SPTBN4: variants seen among roughly 807,000 people sequenced by gnomAD.
SPTBN4 encodes spectrin beta chain, non-erythrocytic 4.
A neutral mutation model predicts 277.8 loss-of-function variants in SPTBN4; 96 were observed. The ratio of observed to expected loss-of-function variants is 0.35; its 90% CI spans 0.29 to 0.41. SPTBN4 has a LOEUF of 0.41. SPTBN4 is among the 10% of genes least tolerant of loss of function. The probability of loss-of-function intolerance (pLI) is 1.00; values close to 1 mark genes in which losing one functional copy is unlikely to be tolerated. For synonymous variants in SPTBN4, 1,481 were observed against 1,580.3 expected (o/e 0.94, Z 1.49); for missense variants, 3,006 against 3,595.7 (o/e 0.84, Z 4.19).
chr19:40,537,736 C>A (rs1277453061), intron 20 of SPTBN4, among the ~76,000 whole-genome samples: 2 of 151,832 alleles, frequency 1.3e-5, no homozygotes, highest in African/African-American at 4.9e-5. Flanking sequence ...CCTCCCTGAG[C>A]CTCTGTCCTC....
At chr19:40,569,108 A>C (rs1410505857) in intron 31 of SPTBN4, among the ~76,000 whole-genome samples, 1 of 152,090 alleles carries the variant, frequency 6.6e-6, no homozygotes, top group Non-Finnish European at 1.5e-5. Context: ...CAACGTTTGC[A>C]AGTTGTTCTT....
intron 4 of SPTBN4, among the ~76,000 whole-genome samples, chr19:40,491,713 CAAAAAAAAA>C (rs35237688): frequency 1.3e-4 from 5 of 38,818 alleles, no homozygotes; most frequent in Non-Finnish European, 1.3e-4. Context: ...GACTCTGTCT[CAAAAAAAAA>C]AAAAAAAAAA....
chr19:40,568,174 T>C lies in SPTBN4; in HGVS notation c.6848T>C (p.Leu2283Pro), dbSNP rs1298838748. The C allele has an allele frequency of 2.5e-6, 4 of 1,587,900 alleles. No individual in the cohort carries two copies. In the East Asian group the frequency reaches 9.2e-5, roughly 36 times the overall value. Residue 2283 changes from leucine to proline, a missense_variant, in exon 31 of 36, where the codon CTG (leucine) becomes CCG (proline). Leu to Pro is a moderately conservative substitution (Grantham distance 98). Transcript: ENST00000598249. ...CACGAGGCGGCACACAGCCTTACCCTGGGCCGCTATGAGCAGATGGAGCGG... is the reference window on the plus strand; with the variant it reads ...CACGAGGCGGCACACAGCCTTACCCCGGGCCGCTATGAGCAGATGGAGCGG... Reference protein sequence around the residue: ...AEHEAAHSLTLGRYEQMERRR... With the variant: ...AEHEAAHSLTPGRYEQMERRR...
chr19:40,529,347 C>T (rs2080635165), intron 18 of SPTBN4, among the ~76,000 whole-genome samples: 1 of 152,238 alleles, frequency 6.6e-6, no homozygotes, highest in African/African-American at 2.4e-5. Flanking sequence ...AGGAGGGGCC[C>T]CGGGCGCCCC....
At chr19:40,544,005 C>T (rs967978220) in intron 20 of SPTBN4, among the ~76,000 whole-genome samples, 14 of 152,274 alleles carry the variant, frequency 9.2e-5, no homozygotes, top group Admixed American at 3.9e-4. Flanking sequence ...GTTCTCATCC[C>T]CTCCCCCAGT....
chr19:40,528,441 C>T (rs2080620656), intron 17 of SPTBN4, among the ~76,000 whole-genome samples: 1 of 152,218 alleles, frequency 6.6e-6, no homozygotes, highest in South Asian at 2.1e-4. Flanking sequence ...CTGCTCTCTT[C>T]CCTCTCTCCA....
chr19:40,554,202 G>T lies in SPTBN4; in HGVS notation c.4730G>T (p.Arg1577Leu). 6.8e-7 allele frequency: 1 copy of T among 1,479,328 alleles called. No individual in the cohort carries two copies. Among genetic ancestry groups the T allele is most frequent in the South Asian group, 1.3e-5 (1 of 75,250 alleles). The allele number at this position is 1,479,328 out of a possible 1,614,324, so 91.6% of individuals were successfully genotyped here. The change falls in exon 23 of 36, where the codon CGC (arginine) becomes CTC (leucine). Residue 1577 changes from arginine to leucine, a missense_variant. Coordinates refer to ENST00000598249, the MANE Select transcript of SPTBN4 (RefSeq NM_020971.3). The surrounding 1 kb of genome is among the most constrained non-coding windows in gnomAD (Gnocchi z 5.7). ...HGPRLEEVLE[R>L]AGALASLRSP... is the part of the protein sequence containing the mutation. ...CCGCGCCTGGAGGAGGTGCTGGAGC[G>T]CGCGGGCGCGCTGGCGTCGCTGCGC...
intron 17 of SPTBN4, among the ~76,000 whole-genome samples, chr19:40,527,353 A>G (rs1273474664): frequency 1.3e-5 from 2 of 152,132 alleles, no homozygotes; most frequent in African/African-American, 4.8e-5. Flanking sequence ...TCGAGCGTGT[A>G]CTGTATGCCA....
In SPTBN4 at chr19:40,569,740, C is replaced by T. The variant is rs1231085221; in HGVS notation, c.7026+14C>T. ...CTGCCTGCTGGGGTAAGTTGAGCCT[C>T]GGATGGGTGGGGATAGGAGGACCCC... On this transcript the variant is annotated intron_variant, in intron 32 of 35. Transcript: ENST00000598249. The T allele has an allele frequency of 3.7e-6, 6 of 1,607,242 alleles. No homozygotes were observed. The African/African-American group carries it at 5.4e-5, about 14-fold the overall frequency.
rs2080268282 is a variant in SPTBN4, at chr19:40,502,051, G to A, written c.897+18G>A. 5 of 1,614,048 alleles carry A rather than the reference G, an allele frequency of 3.1e-6. No homozygotes were observed. Among genetic ancestry groups the A allele is most frequent in the Non-Finnish European group, 4.2e-6 (5 of 1,180,010 alleles). On this transcript the variant is annotated intron_variant, in intron 8 of 35. Coordinates refer to ENST00000598249, the MANE Select transcript of SPTBN4 (RefSeq NM_020971.3). The surrounding 1 kb of genome is among the most constrained non-coding windows in gnomAD (Gnocchi z 4.9). Reference sequence around the variant, plus strand: ...TCGGGAAGGTATAAGGAGCCAAGGAGTGGGTGAGTGGGAAGCTGGAAGCTG... The same window carrying A: ...TCGGGAAGGTATAAGGAGCCAAGGAATGGGTGAGTGGGAAGCTGGAAGCTG...
Position 40,575,675 on chromosome 19 carries a change from T to A in SPTBN4, c.*106T>A. The A allele has an allele frequency of 7.4e-7, 1 of 1,350,334 alleles. No individual in the cohort carries two copies. Among genetic ancestry groups the A allele is most frequent in the East Asian group, 2.6e-5 (1 of 38,996 alleles). The allele number at this position is 1,350,334 out of a possible 1,614,324, so 83.6% of individuals were successfully genotyped here. On this transcript the variant is annotated 3_prime_UTR_variant, in exon 36 of 36. Coordinates refer to ENST00000598249, the MANE Select transcript of SPTBN4 (RefSeq NM_020971.3). Reference sequence around the variant, plus strand: ...GGGCGGGAGCCCCTAGTTCCAACACTGAGGACGCGTGACATGGTGGGCACC... The same window carrying A: ...GGGCGGGAGCCCCTAGTTCCAACACAGAGGACGCGTGACATGGTGGGCACC...
In SPTBN4 at chr19:40,560,851, A is replaced by C; in HGVS notation, c.5915+448A>C. The stretch of plus-strand genomic sequence containing the variant: ...TCCTGTCCCCTGGTGATTGGGAGCC[A>C]GGGTCCTTCCATCATGCCACCCTGG... On this transcript the variant is annotated intron_variant, in intron 27 of 35. Coordinates refer to ENST00000598249, the MANE Select transcript of SPTBN4 (RefSeq NM_020971.3). This position sits in a 1 kb window ranked among gnomAD's most constrained non-coding sequence, Gnocchi z 5.2. 1 of 670,290 alleles carries C rather than the reference A, an allele frequency of 1.5e-6. No homozygotes were observed. Among genetic ancestry groups the C allele is most frequent in the Non-Finnish European group, 1.9e-6 (1 of 519,908 alleles). 41.5% of individuals were successfully genotyped at this position (670,290 alleles called of 1,614,324 possible). A position where few individuals can be genotyped will look rare whatever the true frequency, so the allele number is the denominator to read the frequency against.
In SPTBN4 at chr19:40,557,167, C is replaced by T; in HGVS notation, c.5434C>T (p.Leu1812=). The part of the protein sequence containing the change: ...AATMAEWKDG[L]NEAWAELLEL... ...CACCATGGCCGAGTGGAAGGACGGACTGAACGAGGCCTGGGCTGAGCTGCT... is the reference window on the plus strand; with the variant it reads ...CACCATGGCCGAGTGGAAGGACGGATTGAACGAGGCCTGGGCTGAGCTGCT... The change falls in exon 26 of 36, where the codon CTG becomes TTG. Residue 1812 remains leucine (L), a synonymous_variant. Coordinates refer to ENST00000598249, the MANE Select transcript of SPTBN4 (RefSeq NM_020971.3). 6.2e-7 allele frequency: 1 copy of T among 1,611,066 alleles called. No homozygotes were observed. The highest frequency in any genetic ancestry group is 2.2e-5 in the East Asian group (1 of 44,794).
intron 2 of SPTBN4, 139 bp from the exon 3 acceptor site, chr19:40,487,558 C>G: frequency 9.5e-7 from 1 of 1,057,624 alleles, no homozygotes; most frequent in South Asian, 1.9e-5. Flanking sequence ...GTTGGCCAGG[C>G]TGGTCTCGAA....
At chr19:40,506,421 G>A (rs2080331510) in intron 13 of SPTBN4, 35 bp downstream of exon 13, 1 of 1,592,382 alleles carries the variant, frequency 6.3e-7, no homozygotes, top group South Asian at 1.1e-5. Flanking sequence ...GCTATGGGTG[G>A]AGACTGTCAG....
At chr19:40,478,974 C>CT (rs1241511405) in intron 2 of SPTBN4, among the ~76,000 whole-genome samples, 1 of 152,228 alleles carries the variant, frequency 6.6e-6, no homozygotes, top group East Asian at 1.9e-4. Flanking sequence ...TAACATTCAG[C>CT]TTAATAGTAA....
At position 40,575,603 on chromosome 19, in the gene SPTBN4, C is replaced by T; in HGVS notation, c.*34C>T. 1.3e-6 allele frequency: 2 copies of T among 1,585,788 alleles called. No individual in the cohort carries two copies. The highest frequency in any genetic ancestry group is 8.6e-7 in the Non-Finnish European group (1 of 1,165,970). On this transcript the variant is annotated 3_prime_UTR_variant, in exon 36 of 36. Transcript: ENST00000598249. ...CCCCAGGACCTGACACATCTCGTCT[C>T]CCCTCTTTTCCGCACTGTGGGCACA... is the stretch of plus-strand genomic sequence containing the variant.
At chr19:40,528,479 G>A (rs67153243) in intron 17 of SPTBN4, among the ~76,000 whole-genome samples, 19,236 of 152,138 alleles carry the variant, frequency 0.13, 1,593 homozygotes, top group African/African-American at 0.24. Context: ...TCTGTCTGTC[G>A]TCTGTGGGGC....
chr19:40,538,718 G>A (rs2080766212), intron 20 of SPTBN4, among the ~76,000 whole-genome samples: 1 of 152,140 alleles, frequency 6.6e-6, no homozygotes, highest in Non-Finnish European at 1.5e-5. Context: ...CTCCTGAGTA[G>A]CTGGGACTAC....
Sources: allele counts gnomAD v4.1 joint callset (sites outside exome capture counted in the v4.1 genomes callset), GRCh38; gene constraint gnomAD v4.1.1; non-coding constraint Gnocchi (gnomAD v3.1); transcripts MANE v1.5; gene names NCBI Gene and HGNC (gene_info 2026-07-23, HGNC 2026-07-21).